Variants in DGKI observed in about 807,000 individuals in gnomAD.
DGKI encodes DAG kinase iota.
In DGKI, 55 loss-of-function variants were observed where a neutral mutation model predicts 147.5. The observed-to-expected ratio is 0.37, with a 90% CI of 0.30 to 0.47. DGKI has a LOEUF of 0.47. DGKI is among the 20% of genes least tolerant of loss of function. The pLI, the probability that DGKI is intolerant of heterozygous loss-of-function variation, is 1.00. For synonymous variants in DGKI, 469 were observed against 477.1 expected (o/e 0.98, Z 0.22); for missense variants, 1,007 against 1,323.8 (o/e 0.76, Z 3.71).
At chr7:137,780,173 A>C (rs1353859150) in intron 1 of DGKI, among the ~76,000 whole-genome samples, 1 of 152,220 alleles carries the variant, frequency 6.6e-6, no homozygotes, top group Non-Finnish European at 1.5e-5. Context: ...GGTTGACAAG[A>C]ACTTAAGAAT....
intron 7 of DGKI, among the ~76,000 whole-genome samples, chr7:137,621,348 T>TA (rs1280377610): frequency 5.9e-5 from 9 of 152,200 alleles, no homozygotes; most frequent in Admixed American, 5.9e-4. Context: ...AGAGACTGCC[T>TA]ATGTCAAGTC....
At chr7:137,635,607 C>G (rs1821282211) in intron 6 of DGKI, among the ~76,000 whole-genome samples, 1 of 152,140 alleles carries the variant, frequency 6.6e-6, no homozygotes, top group Non-Finnish European at 1.5e-5. Context: ...ACCATGAGAT[C>G]CACTGGACTA....
At chr7:137,755,309 A>C (rs1795645002) in intron 1 of DGKI, among the ~76,000 whole-genome samples, 1 of 152,108 alleles carries the variant, frequency 6.6e-6, no homozygotes. Context: ...TCCCCACCAA[A>C]CGAGGGGGCC....
chr7:137,503,077 T>C (rs537384866), intron 21 of DGKI, among the ~76,000 whole-genome samples: 2 of 152,268 alleles, frequency 1.3e-5, no homozygotes, highest in African/African-American at 4.8e-5. Flanking sequence ...AGAAATGTGG[T>C]CATTTTTAAA....
chr7:137,705,791 G>C (rs1192491125), intron 1 of DGKI, among the ~76,000 whole-genome samples: 1 of 152,044 alleles, frequency 6.6e-6, no homozygotes, highest in Non-Finnish European at 1.5e-5. Context: ...ATTAAACAAT[G>C]GAGGTCAGTA....
chr7:137,426,913 A>T (rs1395754858), intron 28 of DGKI, among the ~76,000 whole-genome samples: 2 of 151,858 alleles, frequency 1.3e-5, no homozygotes, highest in Non-Finnish European at 2.9e-5. Flanking sequence ...GTCCTGAGTG[A>T]CCTACAAAGA....
chr7:137,764,153 G>C (rs1376964565), intron 1 of DGKI, among the ~76,000 whole-genome samples: 2 of 152,052 alleles, frequency 1.3e-5, no homozygotes, highest in East Asian at 3.9e-4. Flanking sequence ...GAACGGTGTT[G>C]CCCTAGGACA....
At chr7:137,703,433 T>TC (rs1483537855) in intron 1 of DGKI, among the ~76,000 whole-genome samples, 1 of 152,154 alleles carries the variant, frequency 6.6e-6, no homozygotes, top group Non-Finnish European at 1.5e-5. Flanking sequence ...GGCCCTAATG[T>TC]CCCACTTCTG....
At chr7:137,472,390 TATTATA>T (rs762665396) in intron 23 of DGKI, among the ~76,000 whole-genome samples, 2,528 of 9,882 alleles carry the variant, frequency 0.26, 73 homozygotes, top group South Asian at 0.33. Flanking sequence ...TATATATACA[TATTATA>T]ATTATTATAT....
chr7:137,523,688 T>A (rs1338786712), intron 20 of DGKI, among the ~76,000 whole-genome samples: 1 of 152,130 alleles, frequency 6.6e-6, no homozygotes, highest in Non-Finnish European at 1.5e-5. Flanking sequence ...TTACTTTGTA[T>A]TACCATAGTG....
intron 1 of DGKI, among the ~76,000 whole-genome samples, chr7:137,697,068 C>T (rs61180594): frequency 0.038 from 5,740 of 151,988 alleles, 333 homozygotes; most frequent in African/African-American, 0.13. Flanking sequence ...AGAGAACCAA[C>T]CCTGCCGACA....
intron 31 of DGKI, 37 bp from the exon 32 acceptor site, chr7:137,395,734 G>C (rs894384829): frequency 6.9e-6 from 11 of 1,597,296 alleles, no homozygotes; most frequent in Non-Finnish European, 7.7e-6. Flanking sequence ...ACCCATAAAG[G>C]GGTTGGAGGC....
rs1798175679 is a variant in DGKI at position 137,830,119 on chromosome 7, A to G, written c.401+16343T>C. Among the ~76,000 whole-genome samples the G allele has an allele frequency of 2.0e-5, 3 of 152,244 alleles. No individual in the cohort carries two copies. The South Asian group carries it at 6.2e-4, about 32-fold the overall frequency. On this transcript the variant is annotated intron_variant, in intron 1 of 32. Transcript: ENST00000614521. Reference sequence around the variant, plus strand: ...AGCCAAGCTAAAATGGCCAGTCTTAAGTGAAATGGCTGCAACCTAAGCAAA... The same window carrying G: ...AGCCAAGCTAAAATGGCCAGTCTTAGGTGAAATGGCTGCAACCTAAGCAAA...
intron 1 of DGKI, among the ~76,000 whole-genome samples, chr7:137,823,125 AGG>A (rs1251342346): frequency 2.6e-5 from 4 of 152,184 alleles, no homozygotes; most frequent in African/African-American, 9.6e-5. Flanking sequence ...AGATCTAAAA[AGG>A]TCCCAAAACC....
chr7:137,823,788 A>C (rs1797974163), intron 1 of DGKI, among the ~76,000 whole-genome samples: 1 of 152,206 alleles, frequency 6.6e-6, no homozygotes, highest in Non-Finnish European at 1.5e-5. Context: ...CATGAAACTG[A>C]CTCATTATTT....
At chr7:137,498,802 CCT>C (rs1816064661) in intron 21 of DGKI, among the ~76,000 whole-genome samples, 1 of 152,140 alleles carries the variant, frequency 6.6e-6, no homozygotes, top group Non-Finnish European at 1.5e-5. Flanking sequence ...TATATTACCC[CCT>C]GACATGCTCT....
At chr7:137,594,655 G>A (rs960363295) in intron 12 of DGKI, among the ~76,000 whole-genome samples, 5 of 152,108 alleles carry the variant, frequency 3.3e-5, no homozygotes, top group Admixed American at 6.5e-5. Context: ...CCTGAATTCA[G>A]AATTATACTC....
Position 137,618,151 on chromosome 7 carries a change from A to ATATATATATTTTT in DGKI, c.993+1672_993+1673insAAAAATATATATA. 4.9e-3 allele frequency among the ~76,000 whole-genome samples: 51 copies of ATATATATATTTTT among 10,458 alleles called. 1 individual carries two copies. The highest frequency in any genetic ancestry group is 6.4e-3 in the African/African-American group (51 of 8,004). 6.9% of individuals were successfully genotyped at this position (10,458 alleles called of 152,430 possible). A position where few individuals can be genotyped will look rare whatever the true frequency, so the allele number is the denominator to read the frequency against. On this transcript the variant is annotated intron_variant, in intron 8 of 32. Coordinates refer to ENST00000614521, the MANE Select transcript of DGKI (RefSeq NM_001321708.2). ...ACTATATATATATATATATATATAT[A>ATATATATATTTTT]TTTTTTTTTTTTTACTCTATCATTC... is the stretch of plus-strand genomic sequence containing the variant.
At chr7:137,782,238 G>A (rs968611804) in intron 1 of DGKI, among the ~76,000 whole-genome samples, 3 of 152,112 alleles carry the variant, frequency 2.0e-5, no homozygotes, top group East Asian at 1.9e-4. Context: ...AAATAGACTC[G>A]GTGCTGTCGT....
Sources: allele counts gnomAD v4.1 joint callset (sites outside exome capture counted in the v4.1 genomes callset), GRCh38; gene constraint gnomAD v4.1.1; transcripts MANE v1.5; gene names NCBI Gene and HGNC (gene_info 2026-07-23, HGNC 2026-07-21).